Variants in NCKIPSD observed in about 807,000 individuals in gnomAD.
The protein encoded by NCKIPSD is NCK interacting protein with SH3 domain.
A neutral mutation model predicts 73.4 loss-of-function variants in NCKIPSD; 48 were observed. The observed-to-expected ratio is 0.65, with a 90% confidence interval of 0.52 to 0.83. NCKIPSD has a LOEUF of 0.83. Among genes scored for constraint, NCKIPSD ranks in the 40% least tolerant of loss-of-function variants. The pLI, the probability that NCKIPSD is intolerant of heterozygous loss-of-function variation, is 0.00. For missense variants in NCKIPSD, 884 were observed against 970.2 expected (o/e 0.91, Z 1.18); for synonymous variants, 422 against 403.6 (o/e 1.05, Z -0.54).
chr3:48,679,590 G>A lies in NCKIPSD; in HGVS notation c.1474C>T (p.Gln492Ter). The change falls in exon 8 of 13, where the codon CAG (glutamine) becomes TAG (stop). Residue 492 changes from glutamine to a stop codon, truncating the protein, a stop_gained. Transcript: ENST00000294129. LOFTEE classifies it high-confidence loss of function. ...VLPVELARDMQTDTQDHQKLC... is the reference protein window; with the variant it reads ...VLPVELARDM ...CCAGCCTCACCCTGCGTGTCTGTCT[G>A]CATGTCCCTCGCCAGCTCTACAGGC... 6.2e-7 allele frequency: 1 copy of A among 1,614,174 alleles called. No individual in the cohort carries two copies. Among genetic ancestry groups the A allele is most frequent in the Non-Finnish European group, 8.5e-7 (1 of 1,180,010 alleles).
intron 12 of NCKIPSD, 142 bp from the exon 13 acceptor site, chr3:48,674,889 C>G: frequency 2.6e-6 from 2 of 784,070 alleles, no homozygotes. Context: ...CACAATATAC[C>G]TGGCACAGAA....
In NCKIPSD at chr3:48,674,252, G is replaced by C; in HGVS notation, c.*292C>G. 7.7e-7 allele frequency: 1 copy of C among 1,299,222 alleles called. No individual in the cohort carries two copies. Among genetic ancestry groups the C allele is most frequent in the Non-Finnish European group, 9.9e-7 (1 of 1,014,348 alleles). 80.5% of individuals were successfully genotyped at this position (1,299,222 alleles called of 1,614,324 possible). A position where few individuals can be genotyped will look rare whatever the true frequency, so the allele number is the denominator to read the frequency against. ...CAGCCTGGAGCGGCAGCAGGACTCT[G>C]AGTGTACACATGGGTGTGGGGTGAA... On this transcript the variant is annotated 3_prime_UTR_variant, in exon 13 of 13. Coordinates refer to ENST00000294129, the MANE Select transcript of NCKIPSD (RefSeq NM_016453.4).
chr3:48,678,408 G>A (rs2077286720), intron 12 of NCKIPSD, 156 bp downstream of exon 12: 4 of 957,496 alleles, frequency 4.2e-6, no homozygotes, highest in Non-Finnish European at 6.0e-6. Context: ...CTCATGGCTG[G>A]CTCCTTTGGG....
Position 48,680,091 on chromosome 3 carries a change from G to T in NCKIPSD, c.1231C>A (p.Arg411Ser). 1 of 1,613,718 alleles carries T rather than the reference G, an allele frequency of 6.2e-7. No individual in the cohort carries two copies. The highest frequency in any genetic ancestry group is 8.5e-7 in the Non-Finnish European group (1 of 1,179,732). The change falls in exon 6 of 13, where the codon CGC becomes AGC. Residue 411 changes from arginine to serine, a missense_variant. Transcript: ENST00000294129. ...WALYEDEGVIRCYLEELLHIL... is the reference protein window; with the variant it reads ...WALYEDEGVISCYLEELLHIL... ...TGCAGCAGCTCCTCTAGGTAGCAGC[G>T]GATGACACCCTCATCCTCATATAGT...
At chr3:48,684,019 C>CACACACACACACACAGAG (rs563262573) in intron 1 of NCKIPSD, among the ~76,000 whole-genome samples, 8 of 141,344 alleles carry the variant, frequency 5.7e-5, no homozygotes, top group African/African-American at 2.2e-4. Context: ...CACACACACA[C>CACACACACACACACAGAG]AGAGAGAGAG....
At chr3:48,678,098 C>T (rs945038135) in intron 12 of NCKIPSD, among the ~76,000 whole-genome samples, 1 of 152,146 alleles carries the variant, frequency 6.6e-6, no homozygotes, top group African/African-American at 2.4e-5. Flanking sequence ...CCTGCCAGAT[C>T]CACTTACTAA....
In NCKIPSD at chr3:48,681,384, C is replaced by G. The variant is rs375489326; in HGVS notation, c.995G>C (p.Arg332Pro). Residue 332 changes from arginine (R) to proline (P), a missense_variant, in exon 5 of 13, where the codon CGG (arginine) becomes CCG (proline). Transcript: ENST00000294129. ...RNTGLSHELC[R>P]VAIGIIVGHI... The stretch of plus-strand genomic sequence containing the variant: ...ACCCACTATGATGCCGATGGCCACC[C>G]GGCATAATTCGTGGCTCAGGCCAGT... 9 of 1,611,968 alleles carry G rather than the reference C, an allele frequency of 5.6e-6. No individual in the cohort carries two copies. In the Admixed American group the frequency reaches 1.5e-4, roughly 27 times the overall value.
chr3:48,681,320 C>T lies in NCKIPSD; in HGVS notation c.1059G>A (p.Met353Ile). 6.2e-7 allele frequency: 1 copy of T among 1,609,390 alleles called. No homozygotes were observed. ...QASVPASSPV[M>I]EQVLLSLVEG... The stretch of plus-strand genomic sequence containing the variant: ...CTACGAGTGAGAGGAGGACCTGCTC[C>T]ATGACTGGTGAGCTGGCCGGCACCG... Residue 353 changes from methionine to isoleucine, a missense_variant, in exon 5 of 13, where the codon ATG becomes ATA. Coordinates refer to ENST00000294129, the MANE Select transcript of NCKIPSD (RefSeq NM_016453.4).
rs754018978 is a variant in NCKIPSD, at chr3:48,679,686, G to A, written c.1378C>T (p.Leu460Phe). Residue 460 changes from leucine to phenylalanine, a missense_variant, in exon 8 of 13, where the codon CTC (leucine) becomes TTC (phenylalanine). Physicochemically the swap from Leu to Phe is conservative, Grantham distance 22 (BLOSUM62 0). Transcript: ENST00000294129. ...CACATGGCGCCAAAGCACTTGAGGA[G>A]CAGCAGCCGCAGTGATGCTCGGTGT... ...MEHRASLRLL[L>F]LKCFGAMCSL... 1 of 1,614,206 alleles carries A rather than the reference G, an allele frequency of 6.2e-7. No homozygotes were observed. The highest frequency in any genetic ancestry group is 1.1e-5 in the South Asian group (1 of 91,090).
At chr3:48,677,837 G>A (rs2077278352) in intron 12 of NCKIPSD, among the ~76,000 whole-genome samples, 1 of 152,152 alleles carries the variant, frequency 6.6e-6, no homozygotes, top group South Asian at 2.1e-4. Flanking sequence ...CATTTCTGAG[G>A]CAATCACATT....
At chr3:48,677,428 T>C (rs1010457786) in intron 12 of NCKIPSD, among the ~76,000 whole-genome samples, 34 of 151,664 alleles carry the variant, frequency 2.2e-4, no homozygotes, top group African/African-American at 8.2e-4. Context: ...AAAAACACTC[T>C]CCCTATCCCC....
At chr3:48,680,569 C>A (rs1446304404) in intron 5 of NCKIPSD, among the ~76,000 whole-genome samples, 1 of 152,176 alleles carries the variant, frequency 6.6e-6, no homozygotes, top group African/African-American at 2.4e-5. Context: ...CTGTCATCTA[C>A]CAACTTGCCA....
rs1177583519 is a variant in NCKIPSD at position 48,679,099 on chromosome 3, T to G, written c.1655A>C (p.Asp552Ala). The G allele has an allele frequency of 1.2e-6, 2 of 1,613,740 alleles. No individual in the cohort carries two copies. The highest frequency in any genetic ancestry group is 1.7e-6 in the Non-Finnish European group (2 of 1,179,948). The change falls in exon 10 of 13, where the codon GAC becomes GCC. Residue 552 changes from aspartate (D) to alanine (A), a missense_variant. Coordinates refer to ENST00000294129, the MANE Select transcript of NCKIPSD (RefSeq NM_016453.4). ...AGCCAGAAGCAGGTTCACGCAGAGG[T>G]CCGGCAGCTGCTCTGTGGTGTCCAA... ...LPLDTTEQLP[D>A]LCVNLLLALN...
intron 11 of NCKIPSD, 60 bp from the exon 12 acceptor site, chr3:48,678,796 AG>A (rs1446321511): frequency 1.9e-5 from 31 of 1,612,306 alleles, no homozygotes; most frequent in Non-Finnish European, 2.6e-5. Context: ...GAGTCACCCC[AG>A]GGGGTTACGG....
At chr3:48,675,948 G>A (rs992965728) in intron 12 of NCKIPSD, among the ~76,000 whole-genome samples, 2 of 152,236 alleles carry the variant, frequency 1.3e-5, no homozygotes, top group Non-Finnish European at 2.9e-5. Context: ...CCTTTAATTA[G>A]AGAAATAATA....
In NCKIPSD at chr3:48,683,018, G is replaced by T. The variant is rs764246985; in HGVS notation, c.172-6C>A. ...AGGACATCCTGCTCCAGGCCCTGGGGGGGGCAGGGGACAGCAGTTAGACCT... is the reference window on the plus strand; with the variant it reads ...AGGACATCCTGCTCCAGGCCCTGGGTGGGGCAGGGGACAGCAGTTAGACCT... On this transcript the variant is annotated splice_polypyrimidine_tract_variant and splice_region_variant and intron_variant, in intron 1 of 12. Coordinates refer to ENST00000294129, the MANE Select transcript of NCKIPSD (RefSeq NM_016453.4). The T allele has an allele frequency of 4.6e-5, 72 of 1,549,546 alleles. No individual in the cohort carries two copies. The Admixed American group carries it at 1.0e-3, about 22-fold the overall frequency.
chr3:48,679,875 G>C lies in NCKIPSD; in HGVS notation c.1276C>G (p.Pro426Ala). 6.2e-7 allele frequency: 1 copy of C among 1,614,174 alleles called. No individual in the cohort carries two copies. Among genetic ancestry groups the C allele is most frequent in the Non-Finnish European group, 8.5e-7 (1 of 1,180,040 alleles). ...ELLHILTDAD[P>A]EVCKKMCKRN... Reference sequence around the variant, plus strand: ...TTGCACATTTTCTTGCAAACTTCAGGGTCTGCATCAGTCTACAGAAATGAG... The same window carrying C: ...TTGCACATTTTCTTGCAAACTTCAGCGTCTGCATCAGTCTACAGAAATGAG... The change falls in exon 7 of 13, where the codon CCT becomes GCT. Residue 426 changes from proline (P) to alanine (A), a missense_variant. By Grantham distance (27) the Pro-to-Ala change is conservative. Coordinates refer to ENST00000294129, the MANE Select transcript of NCKIPSD (RefSeq NM_016453.4).
intron 12 of NCKIPSD, among the ~76,000 whole-genome samples, chr3:48,677,298 G>A (rs1209892658): frequency 6.6e-6 from 1 of 151,856 alleles, no homozygotes; most frequent in Non-Finnish European, 1.5e-5. Context: ...TGAGGCAGGA[G>A]AATCACTTGA....
At chr3:48,678,539 C>A in intron 12 of NCKIPSD, 25 bp downstream of exon 12, 1 of 1,594,604 alleles carries the variant, frequency 6.3e-7, no homozygotes, top group South Asian at 1.1e-5. Flanking sequence ...CAGTGACCCC[C>A]GCTGCTGCAG....
Sources: gnomAD v4.1 joint callset for allele counts (sites outside exome capture counted in the v4.1 genomes callset) on GRCh38, gnomAD v4.1.1 for gene constraint, MANE v1.5 for transcripts, NCBI Gene and HGNC (gene_info 2026-07-23, HGNC 2026-07-21) for gene names.